The following JPH1 variants were observed in gnomAD, a reference collection of about 807,000 sequenced individuals.
JPH1 encodes the protein junctophilin-1.
JPH1 carries 12 observed loss-of-function variants against 53.6 expected under a neutral mutation model. The observed-to-expected ratio is 0.22, with a 90% CI of 0.14 to 0.36. The LOEUF is 0.36. Among genes scored for constraint, JPH1 ranks in the 10% least tolerant of loss-of-function variants. The probability of loss-of-function intolerance (pLI) is 1.00; values close to 1 mark genes in which losing one functional copy is unlikely to be tolerated. For missense variants in JPH1, 808 were observed against 905.5 expected (o/e 0.89, Z 1.38); for synonymous variants, 375 against 363.8 (o/e 1.03, Z -0.35).
intron 2 of JPH1, among the ~76,000 whole-genome samples, chr8:74,312,400 C>G (rs1353942396): frequency 6.6e-6 from 1 of 152,124 alleles, no homozygotes; most frequent in East Asian, 1.9e-4. Flanking sequence ...AGGTGTGCGC[C>G]ACCGTGTCCG....
At chr8:74,300,499 A>G (rs1317650345) in intron 2 of JPH1, among the ~76,000 whole-genome samples, 5 of 152,212 alleles carry the variant, frequency 3.3e-5, no homozygotes, top group Admixed American at 1.3e-4. Flanking sequence ...CTTCTGATAT[A>G]AACAAGAATA....
At chr8:74,301,208 G>A (rs982293924) in intron 2 of JPH1, among the ~76,000 whole-genome samples, 19 of 152,108 alleles carry the variant, frequency 1.2e-4, no homozygotes, top group African/African-American at 4.1e-4. Context: ...CCAGGCCTCC[G>A]GTCCTGGCCC....
At chr8:74,265,895 T>C (rs906694193) in intron 2 of JPH1, among the ~76,000 whole-genome samples, 31 of 151,478 alleles carry the variant, frequency 2.0e-4, no homozygotes, top group Admixed American at 2.0e-3. Context: ...AAGTAATGCA[T>C]ATCAAAACCA....
intron 3 of JPH1, among the ~76,000 whole-genome samples, chr8:74,251,566 G>A (rs1167284870): frequency 6.6e-6 from 1 of 152,052 alleles, no homozygotes; most frequent in Non-Finnish European, 1.5e-5. Flanking sequence ...AACCCTTTGG[G>A]GGAGAAAGCC....
rs183214152 is a variant in JPH1, at chr8:74,299,674, T to G, written c.1139+15187A>C. Among the ~76,000 whole-genome samples the G allele has an allele frequency of 6.6e-4, 100 of 152,348 alleles. No homozygotes were observed. The East Asian group carries it at 0.011, about 16-fold the overall frequency. On this transcript the variant is annotated intron_variant, in intron 2 of 5. Transcript: ENST00000342232. ...TGTTAAATTTGGCTAAAGTTTTTCT[T>G]TTAACCACAGCCACATATGCATATT...
intron 2 of JPH1, among the ~76,000 whole-genome samples, chr8:74,285,911 T>G (rs780178285): frequency 6.6e-6 from 1 of 152,228 alleles, no homozygotes; most frequent in African/African-American, 2.4e-5. Context: ...GGGAAAGGAT[T>G]TGGTCAGCTG....
intron 2 of JPH1, among the ~76,000 whole-genome samples, chr8:74,314,188 G>T (rs1808072834): frequency 6.6e-6 from 1 of 152,168 alleles, no homozygotes; most frequent in Admixed American, 6.5e-5. Flanking sequence ...ATACACCAGT[G>T]ACCTAATCTC....
chr8:74,309,104 C>CA (rs1807917806), intron 2 of JPH1, among the ~76,000 whole-genome samples: 1 of 152,160 alleles, frequency 6.6e-6, no homozygotes, highest in South Asian at 2.1e-4. Context: ...CCCTGATCAT[C>CA]ACCTGAAGTG....
chr8:74,314,547 G>A (rs548722405), intron 2 of JPH1, among the ~76,000 whole-genome samples: 1 of 152,272 alleles, frequency 6.6e-6, no homozygotes, highest in African/African-American at 2.4e-5. Context: ...AAAGAAAACA[G>A]CAACTTTCCG....
At chr8:74,241,732 G>C (rs974397094) in intron 4 of JPH1, among the ~76,000 whole-genome samples, 4 of 151,952 alleles carry the variant, frequency 2.6e-5, no homozygotes, top group African/African-American at 9.7e-5. Flanking sequence ...CTCTTTCGGG[G>C]GTGAGGTTCA....
At chr8:74,242,534 C>A (rs546663428) in intron 4 of JPH1, among the ~76,000 whole-genome samples, 1 of 152,204 alleles carries the variant, frequency 6.6e-6, no homozygotes, top group South Asian at 2.1e-4. Flanking sequence ...CTAACTTATA[C>A]AGTGTCTTTC....
At chr8:74,280,891 C>G (rs147948325) in intron 2 of JPH1, among the ~76,000 whole-genome samples, 22 of 152,296 alleles carry the variant, frequency 1.4e-4, no homozygotes, top group Non-Finnish European at 2.6e-4. Flanking sequence ...GCTGGACTCT[C>G]ACAACAGTTC....
chr8:74,276,213 C>T (rs569224193), intron 2 of JPH1, among the ~76,000 whole-genome samples: 12 of 152,196 alleles, frequency 7.9e-5, no homozygotes, highest in Admixed American at 3.3e-4. Context: ...AAAAGGGGCA[C>T]AGGTCAAGGT....
intron 2 of JPH1, among the ~76,000 whole-genome samples, chr8:74,259,798 G>A (rs1806340104): frequency 6.6e-6 from 1 of 152,188 alleles, no homozygotes; most frequent in Non-Finnish European, 1.5e-5. Flanking sequence ...CAAATCTCCT[G>A]TTGACTTTGG....
At chr8:74,251,257 T>A (rs942158218) in intron 3 of JPH1, among the ~76,000 whole-genome samples, 1 of 152,226 alleles carries the variant, frequency 6.6e-6, no homozygotes, top group Non-Finnish European at 1.5e-5. Context: ...TGACTCTTTT[T>A]TCTATACTTC....
Position 74,314,898 on chromosome 8 carries a change from C to T in JPH1, c.1102G>A (p.Ala368Thr). 1 of 1,614,240 alleles carries T rather than the reference C, an allele frequency of 6.2e-7. No homozygotes were observed. The highest frequency in any genetic ancestry group is 1.3e-5 in the African/African-American group (1 of 75,052). Residue 368 changes from alanine to threonine, a missense_variant, in exon 2 of 6, where the codon GCC becomes ACC. This residue lies in a region of JPH1 where 756 missense variants were observed against 811.9 expected (regional missense o/e 0.93). Transcript: ENST00000342232. The stretch of plus-strand genomic sequence containing the variant: ...ATTTCCACTTTGGTTCTGGCCATGG[C>T]AGCTGCCCTTTGGGCGCCTTCAATT... ...RAIEGAQRAA[A>T]MARTKVEIAN...
intron 2 of JPH1, among the ~76,000 whole-genome samples, chr8:74,314,526 C>CAA (rs112863291): frequency 2.0e-5 from 3 of 151,494 alleles, no homozygotes; most frequent in Non-Finnish European, 2.9e-5. Flanking sequence ...GTCCTTCTTA[C>CAA]AAAAAAAAGA....
At chr8:74,260,319 C>T (rs1393702706) in intron 2 of JPH1, among the ~76,000 whole-genome samples, 7 of 152,142 alleles carry the variant, frequency 4.6e-5, no homozygotes, top group Admixed American at 1.3e-4. Context: ...TAGGGTTATG[C>T]GGAAAGTGGC....
chr8:74,285,731 T>C (rs1807146331), intron 2 of JPH1, among the ~76,000 whole-genome samples: 1 of 152,258 alleles, frequency 6.6e-6, no homozygotes, highest in Non-Finnish European at 1.5e-5. Context: ...ATGCAACATG[T>C]TGCTTTTCTA....
Sources: gnomAD v4.1 joint callset for allele counts (sites outside exome capture counted in the v4.1 genomes callset) on GRCh38, gnomAD v4.1.1 for gene constraint, gnomAD v4.1.1 regional missense constraint, MANE v1.5 for transcripts, NCBI Gene and HGNC (gene_info 2026-07-23, HGNC 2026-07-21) for gene names.